DDX43: variants seen among roughly 807,000 people sequenced by gnomAD.
The protein encoded by DDX43 is DEAD-box helicase 43.
A neutral mutation model predicts 84.9 loss-of-function variants in DDX43; 50 were observed. That is an observed-to-expected ratio of 0.59 (90% confidence interval 0.47 to 0.75). The LOEUF (loss-of-function observed/expected upper bound fraction) is 0.75, where lower values mean the gene tolerates loss of function less well. DDX43 is among the 30% of genes least tolerant of loss of function. The pLI is 0.00. For missense variants in DDX43, 689 were observed against 798.6 expected (o/e 0.86, Z 1.65); for synonymous variants, 291 against 266.3 (o/e 1.09, Z -0.90).
intron 4 of DDX43, among the ~76,000 whole-genome samples, chr6:73,403,650 T>A (rs1333050617): frequency 1.3e-5 from 2 of 152,166 alleles, no homozygotes; most frequent in African/African-American, 4.8e-5. Flanking sequence ...TGCTTCATTT[T>A]AATTTTTATT....
intron 3 of DDX43, among the ~76,000 whole-genome samples, 186 bp from the exon 4 acceptor site, chr6:73,401,673 G>A (rs1172356810): frequency 6.6e-6 from 1 of 151,996 alleles, no homozygotes; most frequent in African/African-American, 2.4e-5. Context: ...GTTGCGGCGT[G>A]TGCCTGTACT....
rs1769926349 is a variant in DDX43, at chr6:73,417,520, A to G, written c.*359A>G. On this transcript the variant is annotated 3_prime_UTR_variant, in exon 17 of 17. Coordinates refer to ENST00000370336, the MANE Select transcript of DDX43 (RefSeq NM_018665.3). ...AGATGTTTTCAAACAAAGAATCAGC[A>G]CCTGAAAAAATACTGTTAATAAATG... 1 of 152,188 alleles carries G rather than the reference A, an allele frequency of 6.6e-6. No individual in the cohort carries two copies. The highest frequency in any genetic ancestry group is 2.1e-4 in the South Asian group (1 of 4,824). The allele number at this position is 152,188 out of a possible 1,614,324, so 9.4% of individuals were successfully genotyped here.
intron 11 of DDX43, among the ~76,000 whole-genome samples, chr6:73,412,671 G>GCGCA (rs1769819278): frequency 2.0e-5 from 2 of 98,984 alleles, no homozygotes; most frequent in South Asian, 3.3e-4. Flanking sequence ...GTGTGTGTGC[G>GCGCA]CGCGCGCGTG....
chr6:73,410,884 A>G (rs1769772020), intron 10 of DDX43, among the ~76,000 whole-genome samples: 1 of 152,002 alleles, frequency 6.6e-6, no homozygotes, highest in African/African-American at 2.4e-5. Flanking sequence ...ATGAGCCAAC[A>G]ACCTTTTAAA....
intron 11 of DDX43, 87 bp from the exon 12 acceptor site, chr6:73,413,571 A>G (rs1769844434): frequency 7.7e-7 from 1 of 1,304,428 alleles, no homozygotes; most frequent in African/African-American, 1.5e-5. Context: ...TTAACCAATG[A>G]GAGAGAAGAT....
chr6:73,395,669 A>G (rs1267733997), intron 1 of DDX43, among the ~76,000 whole-genome samples: 1 of 151,882 alleles, frequency 6.6e-6, no homozygotes, highest in African/African-American at 2.4e-5. Context: ...TTATACAGAC[A>G]ATGTATTTGG....
rs544157972 is a variant in DDX43 at position 73,399,036 on chromosome 6, C to T, written c.307-1198C>T. Among the ~76,000 whole-genome samples the T allele has an allele frequency of 5.3e-5, 8 of 152,284 alleles. No homozygotes were observed. The South Asian group carries it at 1.7e-3, about 32-fold the overall frequency. ...TCTTAGCTCACCGCAACCACTGCCTCCTGGGTTCAAGAGATTCTCCTGCCT... is the reference window on the plus strand; with the variant it reads ...TCTTAGCTCACCGCAACCACTGCCTTCTGGGTTCAAGAGATTCTCCTGCCT... On this transcript the variant is annotated intron_variant, in intron 2 of 16. Transcript: ENST00000370336.
chr6:73,414,142 A>G, intron 13 of DDX43, 63 bp downstream of exon 13: 1 of 998,562 alleles, frequency 1.0e-6, no homozygotes, highest in Non-Finnish European at 1.6e-6. Context: ...GGCTTGGCTG[A>G]GTAACATCTT....
At chr6:73,415,403 TA>T in intron 14 of DDX43, 93 bp from the exon 15 acceptor site, 6 of 833,002 alleles carry the variant, frequency 7.2e-6, no homozygotes, top group Non-Finnish European at 1.1e-5. Context: ...CCCTAAATCT[TA>T]ATACATTCCA....
intron 1 of DDX43, among the ~76,000 whole-genome samples, chr6:73,397,392 G>C (rs1179027379): frequency 6.6e-6 from 1 of 152,104 alleles, no homozygotes; most frequent in Non-Finnish European, 1.5e-5. Flanking sequence ...CTTATTTGTT[G>C]AGTTGTATGA....
rs1210467499 is a variant in DDX43 at position 73,405,683 on chromosome 6, G to C, written c.655G>C (p.Glu219Gln). ...GATGTTTTTTATTCTTTGAAGGAAA[G>C]AAAATTTTAATATAACGTGGGATGA... ...SKVEADSWRKENFNITWDDLK... is the reference protein window; with the variant it reads ...SKVEADSWRKQNFNITWDDLK... Residue 219 changes from glutamate (E) to glutamine (Q), a missense_variant, in exon 6 of 17, where the codon GAA becomes CAA. By Grantham distance (29) the Glu-to-Gln change is conservative. Transcript: ENST00000370336. 9 of 1,611,550 alleles carry C rather than the reference G, an allele frequency of 5.6e-6. No homozygotes were observed. The highest frequency in any genetic ancestry group is 6.8e-6 in the Non-Finnish European group (8 of 1,179,424).
intron 2 of DDX43, 90 bp downstream of exon 2, chr6:73,397,834 A>G: frequency 1.7e-6 from 2 of 1,191,096 alleles, no homozygotes; most frequent in Non-Finnish European, 2.5e-6. Flanking sequence ...AGACAGCCTC[A>G]TTCTGTCTCC....
chr6:73,410,200 G>T (rs570021272), intron 10 of DDX43, among the ~76,000 whole-genome samples: 3 of 152,022 alleles, frequency 2.0e-5, no homozygotes, highest in African/African-American at 4.8e-5. Context: ...ACAAAGTCTC[G>T]CTGACACTCA....
intron 2 of DDX43, among the ~76,000 whole-genome samples, chr6:73,398,504 T>G (rs1665148171): frequency 6.6e-6 from 1 of 151,682 alleles, no homozygotes; most frequent in African/African-American, 2.4e-5. Context: ...CGCCCACCTC[T>G]GCCTCCCAAA....
chr6:73,395,097 T>C lies in DDX43; in HGVS notation c.192T>C (p.Gly64=), dbSNP rs1393897611. ...GGCCCCCGGAGGCCGTGGCCGCTGGTCACGAGGAACTGCCGCTGTGTTTTG... is the reference window on the plus strand; with the variant it reads ...GGCCCCCGGAGGCCGTGGCCGCTGGCCACGAGGAACTGCCGCTGTGTTTTG... ...TSRPPEAVAA[G]HEELPLCFAL... The change falls in exon 1 of 17, where the codon GGT becomes GGC. Residue 64 remains glycine, a synonymous_variant. Coordinates refer to ENST00000370336, the MANE Select transcript of DDX43 (RefSeq NM_018665.3). 9 of 1,614,096 alleles carry C rather than the reference T, an allele frequency of 5.6e-6. No homozygotes were observed. Among genetic ancestry groups the C allele is most frequent in the Non-Finnish European group, 7.6e-6 (9 of 1,179,978 alleles).
chr6:73,397,949 C>T (rs1048932317), intron 2 of DDX43: 9 of 413,876 alleles, frequency 2.2e-5, no homozygotes, highest in Non-Finnish European at 3.8e-5. Flanking sequence ...GGGTTCCCAC[C>T]ACCAAGCCCA....
chr6:73,414,686 G>A lies in DDX43; in HGVS notation c.1745G>A (p.Gly582Glu). ...VHRIGRTGRA[G>E]RTGVSITTLT... ...CGAATAGGGCGCACGGGAAGAGCAG[G>A]GTAAGTAAGCTTAGTCCACCCATGA... is the stretch of plus-strand genomic sequence containing the variant. Residue 582 changes from glycine to glutamate, a missense_variant and splice_region_variant, in exon 14 of 17, where the codon GGG becomes GAG. Coordinates refer to ENST00000370336, the MANE Select transcript of DDX43 (RefSeq NM_018665.3). 1 of 1,608,736 alleles carries A rather than the reference G, an allele frequency of 6.2e-7. No homozygotes were observed. Among genetic ancestry groups the A allele is most frequent in the Non-Finnish European group, 8.5e-7 (1 of 1,177,990 alleles).
At position 73,416,267 on chromosome 6, in the gene DDX43, CAT is replaced by C; in HGVS notation, c.*25+19_*25+20del. On this transcript the variant is annotated intron_variant, in intron 16 of 16. Coordinates refer to ENST00000370336, the MANE Select transcript of DDX43 (RefSeq NM_018665.3). Reference sequence around the variant, plus strand: ...TGGGGTAGAGGTAAAAGTTCAATAACATATGGACTTTAAAATGCCTGCTTACT... The same window carrying C: ...TGGGGTAGAGGTAAAAGTTCAATAACATGGACTTTAAAATGCCTGCTTACT... 1 of 1,005,616 alleles carries C rather than the reference CAT, an allele frequency of 9.9e-7. No homozygotes were observed. Among genetic ancestry groups the C allele is most frequent in the Non-Finnish European group, 1.6e-6 (1 of 643,092 alleles). The allele number at this position is 1,005,616 out of a possible 1,614,324, so 62.3% of individuals were successfully genotyped here.
At chr6:73,412,092 A>C in intron 10 of DDX43, 113 bp from the exon 11 acceptor site, 1 of 822,486 alleles carries the variant, frequency 1.2e-6, no homozygotes, top group Non-Finnish European at 1.9e-6. Context: ...TTACTTATTG[A>C]AAAAATAAGT....
Sources: allele counts gnomAD v4.1 joint callset (sites outside exome capture counted in the v4.1 genomes callset), GRCh38; gene constraint gnomAD v4.1.1; transcripts MANE v1.5; gene names NCBI Gene and HGNC (gene_info 2026-07-23, HGNC 2026-07-21).